Variants in NAV2 observed in about 807,000 individuals in gnomAD.
The protein encoded by NAV2 is helicase, APC down-regulated 1.
Under a neutral mutation model 223.2 loss-of-function variants are expected in NAV2, and 54 were observed. The observed-to-expected ratio is 0.24, with a 90% CI of 0.19 to 0.30. The LOEUF (loss-of-function observed/expected upper bound fraction) is 0.30, where lower values mean the gene tolerates loss of function less well. Among genes scored for constraint, NAV2 ranks in the 10% least tolerant of loss-of-function variants. The probability of loss-of-function intolerance (pLI) is 1.00; values close to 1 mark genes in which losing one functional copy is unlikely to be tolerated. For synonymous variants in NAV2, 1,279 were observed against 1,239.3 expected, an observed-to-expected ratio of 1.03 and a Z score of -0.67; for missense variants, 2,806 against 3,147.5, an observed-to-expected ratio of 0.89 and a Z score of 2.60.
At chr11:19,684,826 A>G (rs192755054) in intron 1 of NAV2, among the ~76,000 whole-genome samples, 32 of 152,304 alleles carry the variant, frequency 2.1e-4, no homozygotes, top group Admixed American at 2.0e-3. Context: ...ATCCTTCAAG[A>G]GTGCTCACAT....
intron 11 of NAV2, among the ~76,000 whole-genome samples, chr11:19,994,064 G>A (rs1026591726): frequency 6.6e-6 from 1 of 152,068 alleles, no homozygotes; most frequent in African/African-American, 2.4e-5. Flanking sequence ...GAAGCATCGG[G>A]GACTGCATAT....
intron 1 of NAV2, among the ~76,000 whole-genome samples, chr11:19,392,394 T>TTC (rs34474979): frequency 6.6e-6 from 1 of 151,748 alleles, no homozygotes; most frequent in Non-Finnish European, 1.5e-5. Flanking sequence ...TTTTTTTTTT[T>TTC]CTGCTTTTTG....
chr11:19,644,969 C>T lies in NAV2; in HGVS notation c.76-187515C>T, dbSNP rs1260913866. 2.6e-5 allele frequency among the ~76,000 whole-genome samples: 4 copies of T among 152,150 alleles called. No homozygotes were observed. In the East Asian group the frequency reaches 7.7e-4, roughly 29 times the overall value. On this transcript the variant is annotated intron_variant, in intron 1 of 37. Coordinates refer to the NAV2 transcript ENST00000360655. Reference sequence around the variant, plus strand: ...AAAATAATTCATAGGCCAATGAATTCTTATGGGAAAAGAAGGTGGACGTAT... The same window carrying T: ...AAAATAATTCATAGGCCAATGAATTTTTATGGGAAAAGAAGGTGGACGTAT...
intron 1 of NAV2, among the ~76,000 whole-genome samples, chr11:19,763,590 G>A (rs760613438): frequency 2.6e-5 from 4 of 152,172 alleles, no homozygotes; most frequent in Non-Finnish European, 4.4e-5. Context: ...CAATGTGGAA[G>A]TGAATGAATT....
At chr11:19,800,788 A>G (rs1331592710) in intron 1 of NAV2, among the ~76,000 whole-genome samples, 1 of 151,972 alleles carries the variant, frequency 6.6e-6, no homozygotes, top group Non-Finnish European at 1.5e-5. Flanking sequence ...CACCATGATT[A>G]AAATGTGAAG....
intron 30 of NAV2, 44 bp downstream of exon 30, chr11:20,095,811 G>A (rs748928890): frequency 2.6e-5 from 37 of 1,416,734 alleles, no homozygotes; most frequent in Non-Finnish European, 3.6e-5. Flanking sequence ...ACCTAACATG[G>A]GCATCCGGGC....
intron 11 of NAV2, among the ~76,000 whole-genome samples, chr11:19,996,712 G>A (rs1450996443): frequency 6.6e-6 from 1 of 152,186 alleles, no homozygotes; most frequent in Non-Finnish European, 1.5e-5. Context: ...GCAGAAAGAA[G>A]AGGCTAGCCT....
At chr11:19,419,083 G>A (rs568110825) in intron 1 of NAV2, among the ~76,000 whole-genome samples, 28 of 152,158 alleles carry the variant, frequency 1.8e-4, no homozygotes, top group Non-Finnish European at 4.0e-4. Context: ...TCTGGGAGCT[G>A]AGCCCTGGAG....
chr11:19,832,371 C>T, intron 1 of NAV2, 113 bp from the exon 2 acceptor site: 1 of 754,296 alleles, frequency 1.3e-6, no homozygotes, highest in Non-Finnish European at 2.3e-6. Flanking sequence ...GCTGGCTGGC[C>T]CTGAAAGCTC....
At chr11:19,664,436 A>C (rs1389699898) in intron 1 of NAV2, among the ~76,000 whole-genome samples, 2 of 152,158 alleles carry the variant, frequency 1.3e-5, no homozygotes, top group Admixed American at 6.5e-5. Flanking sequence ...GTCATGTTTC[A>C]TGTCCCAGCC....
intron 1 of NAV2, among the ~76,000 whole-genome samples, chr11:19,429,994 G>A (rs1850983142): frequency 1.3e-5 from 2 of 152,288 alleles, no homozygotes; most frequent in South Asian, 2.1e-4. Flanking sequence ...AATATAAATG[G>A]AAACTTCAAT....
At chr11:19,574,585 C>T (rs1375024501) in intron 1 of NAV2, among the ~76,000 whole-genome samples, 4 of 152,122 alleles carry the variant, frequency 2.6e-5, no homozygotes, top group Non-Finnish European at 5.9e-5. Flanking sequence ...ATTAGAAACC[C>T]CCTCTTTTTC....
intron 12 of NAV2, among the ~76,000 whole-genome samples, chr11:20,038,935 A>G (rs2056657650): frequency 6.6e-6 from 1 of 152,192 alleles, no homozygotes; most frequent in Admixed American, 6.5e-5. Flanking sequence ...GATCATTGGG[A>G]ATGGAGATTC....
At chr11:20,040,830 G>A (rs926185761) in intron 12 of NAV2, among the ~76,000 whole-genome samples, 4 of 152,188 alleles carry the variant, frequency 2.6e-5, no homozygotes, top group Non-Finnish European at 5.9e-5. Flanking sequence ...CCGCTGTTGC[G>A]AGCTCCAGGA....
chr11:19,986,870 T>C lies in NAV2; in HGVS notation c.2768+2623T>C, dbSNP rs567319116. On this transcript the variant is annotated intron_variant, in intron 11 of 37. Transcript: ENST00000349880. Reference sequence around the variant, plus strand: ...CTTTGGCTAAGTTGAAATAGTACATTTGTTTCTGTAAAATTCTTTATGTAA... The same window carrying C: ...CTTTGGCTAAGTTGAAATAGTACATCTGTTTCTGTAAAATTCTTTATGTAA... 3.7e-4 allele frequency among the ~76,000 whole-genome samples: 56 copies of C among 152,364 alleles called. No individual in the cohort carries two copies. In the South Asian group the frequency reaches 4.8e-3, roughly 13 times the overall value.
At chr11:19,625,475 C>A (rs2047141103) in intron 1 of NAV2, among the ~76,000 whole-genome samples, 1 of 152,122 alleles carries the variant, frequency 6.6e-6, no homozygotes, top group South Asian at 2.1e-4. Context: ...TAGGTTGATT[C>A]CATAACTTAG....
intron 10 of NAV2, among the ~76,000 whole-genome samples, chr11:19,955,745 G>A (rs2047798350): frequency 6.6e-6 from 1 of 152,136 alleles, no homozygotes; most frequent in South Asian, 2.1e-4. Context: ...AATCAAAGGG[G>A]GTAGATTAAT....
chr11:19,834,851 T>C (rs2060146834), intron 2 of NAV2, among the ~76,000 whole-genome samples: 1 of 152,246 alleles, frequency 6.6e-6, no homozygotes, highest in South Asian at 2.1e-4. Context: ...ATATTCATGC[T>C]TGTTTTATCT....
chr11:19,816,818 T>C (rs2059114823), intron 1 of NAV2, among the ~76,000 whole-genome samples: 1 of 152,220 alleles, frequency 6.6e-6, no homozygotes, highest in African/African-American at 2.4e-5. Flanking sequence ...ATACCTATAA[T>C]ATCTATTATT....
Sources: allele counts gnomAD v4.1 joint callset (sites outside exome capture counted in the v4.1 genomes callset), GRCh38; gene constraint gnomAD v4.1.1; transcripts MANE v1.5; gene names NCBI Gene and HGNC (gene_info 2026-07-23, HGNC 2026-07-21).